The following ZNF460 variants were observed in gnomAD, a reference collection of about 807,000 sequenced individuals.
ZNF460 encodes the protein zinc finger protein 272.
A neutral mutation model predicts 8.4 loss-of-function variants in ZNF460; 1 was observed. The ratio of observed to expected loss-of-function variants is 0.12; its 90% CI spans 0.04 to 0.56. ZNF460 has a LOEUF of 0.56. Ranked by LOEUF, ZNF460 falls within the 20% of genes least tolerant of loss-of-function variation. The pLI is 0.91. For missense variants in ZNF460, 477 were observed against 714.8 expected, an observed-to-expected ratio of 0.67 and a Z score of 3.79; for synonymous variants, 262 against 259.9, an observed-to-expected ratio of 1.01 and a Z score of -0.08.
At chr19:57,285,795 G>A (rs2087875424) in intron 2 of ZNF460, among the ~76,000 whole-genome samples, 1 of 152,102 alleles carries the variant, frequency 6.6e-6, no homozygotes, top group African/African-American at 2.4e-5. Context: ...TGTTCCCTTA[G>A]GATTGAGTTC....
In ZNF460 at chr19:57,293,775, T is replaced by C. The variant is rs1263562754; in HGVS notation, c.*1545T>C. On this transcript the variant is annotated 3_prime_UTR_variant, in exon 3 of 3. Coordinates refer to ENST00000360338, the MANE Select transcript of ZNF460 (RefSeq NM_006635.4). ...ATTTGTTAACCAATCTCTATCTGCCTCTCTGCTGTCCTTCCCAGCCTCTGG... is the reference window on the plus strand; with the variant it reads ...ATTTGTTAACCAATCTCTATCTGCCCCTCTGCTGTCCTTCCCAGCCTCTGG... The C allele has an allele frequency of 1.3e-5, 2 of 152,234 alleles. No homozygotes were observed. The highest frequency in any genetic ancestry group is 2.9e-5 in the Non-Finnish European group (2 of 68,030). The allele number at this position is 152,234 out of a possible 1,614,324, so 9.4% of individuals were successfully genotyped here.
chr19:57,283,502 C>CTTTTTTT lies in ZNF460; in HGVS notation c.31-1031_31-1025dup, dbSNP rs926242067. On this transcript the variant is annotated intron_variant, in intron 1 of 2. Transcript: ENST00000360338. ...TTTTTCTTTAGTTCTTTTGACTATT[C>CTTTTTTT]TTTTTTTTTTTTTTTTTTTTTTTTG... 1.8e-3 allele frequency among the ~76,000 whole-genome samples: 121 copies of CTTTTTTT among 68,534 alleles called. 1 individual carries two copies. The highest frequency in any genetic ancestry group is 2.0e-3 in the African/African-American group (31 of 15,770). 45.0% of individuals were successfully genotyped at this position (68,534 alleles called of 152,430 possible). A position where few individuals can be genotyped will look rare whatever the true frequency, so the allele number is the denominator to read the frequency against.
At chr19:57,282,987 TAAA>T (rs550453875) in intron 1 of ZNF460, among the ~76,000 whole-genome samples, 3 of 134,188 alleles carry the variant, frequency 2.2e-5, no homozygotes, top group Non-Finnish European at 4.9e-5. Context: ...TGAGACCATC[TAAA>T]AAAAAAAAAA....
rs113084185 is a variant in ZNF460 at position 57,291,429 on chromosome 19, C to G, written c.888C>G (p.Val296=). ...CCTTTACCTACCGCTCCAATTTTGT[C>G]TTGCATAACAAGAGCCACAATGAGA... ...GKAFTYRSNF[V]LHNKSHNEKK... is the part of the protein sequence containing the mutation. Residue 296 remains valine (V), a synonymous_variant, in exon 3 of 3, where the codon GTC becomes GTG. Transcript: ENST00000360338. This position sits in a 1 kb window ranked among gnomAD's most constrained non-coding sequence, Gnocchi z 8.4. 6.8e-6 allele frequency: 11 copies of G among 1,613,966 alleles called. No individual in the cohort carries two copies. Among genetic ancestry groups the G allele is most frequent in the African/African-American group, 1.3e-5 (1 of 75,004 alleles).
At chr19:57,283,952 G>C (rs2087860721) in intron 1 of ZNF460, among the ~76,000 whole-genome samples, 1 of 152,062 alleles carries the variant, frequency 6.6e-6, no homozygotes, top group Non-Finnish European at 1.5e-5. Flanking sequence ...CTCCTGAGCT[G>C]GGGAGTTTCA....
Position 57,291,313 on chromosome 19 carries a change from G to A in ZNF460, c.772G>A (p.Gly258Arg). The A allele has an allele frequency of 6.2e-7, 1 of 1,614,016 alleles. No homozygotes were observed. Among genetic ancestry groups the A allele is most frequent in the Middle Eastern group, 1.6e-4 (1 of 6,062 alleles). Residue 258 changes from glycine to arginine, a missense_variant, in exon 3 of 3, where the codon GGA becomes AGA. Physicochemically the swap from Gly to Arg is moderately radical, Grantham distance 125. Around this residue, in one of 5 missense-constraint regions of ZNF460, gnomAD observed 193 missense variants for 391.7 expected, o/e 0.49. Transcript: ENST00000360338. The surrounding 1 kb of genome is among the most constrained non-coding windows in gnomAD (Gnocchi z 8.4). ...TAAGCCCTTTGTGTGCAGTGAATGT[G>A]GAAGGACCTTCAATCGCGGGTCGCA... ...GDKPFVCSEC[G>R]RTFNRGSHLT... is the part of the protein sequence containing the mutation.
intron 1 of ZNF460, among the ~76,000 whole-genome samples, chr19:57,282,131 T>C (rs2087844843): frequency 6.6e-6 from 1 of 152,176 alleles, no homozygotes; most frequent in Non-Finnish European, 1.5e-5. Flanking sequence ...TGGAACTGTG[T>C]AGACTTAAAA....
Position 57,291,432 on chromosome 19 carries a change from G to A in ZNF460, c.891G>A (p.Leu297=). Residue 297 remains leucine (L), a synonymous_variant, in exon 3 of 3, where the codon TTG becomes TTA. Transcript: ENST00000360338. The surrounding 1 kb of genome is among the most constrained non-coding windows in gnomAD (Gnocchi z 8.4). ...TTACCTACCGCTCCAATTTTGTCTT[G>A]CATAACAAGAGCCACAATGAGAAGA... The part of the protein sequence containing the change: ...KAFTYRSNFV[L]HNKSHNEKKP... The A allele has an allele frequency of 6.2e-7, 1 of 1,614,038 alleles. No homozygotes were observed. The highest frequency in any genetic ancestry group is 1.1e-5 in the South Asian group (1 of 91,082).
chr19:57,284,821 T>A, intron 2 of ZNF460, 144 bp downstream of exon 2: 1 of 1,022,528 alleles, frequency 9.8e-7, no homozygotes, highest in East Asian at 3.3e-5. Context: ...CTATTTTTTT[T>A]TTTTTTTTTT....
intron 2 of ZNF460, among the ~76,000 whole-genome samples, chr19:57,286,352 C>T (rs1034718232): frequency 1.3e-5 from 2 of 152,096 alleles, no homozygotes; most frequent in African/African-American, 4.8e-5. Flanking sequence ...CTATGGGGCA[C>T]CATGAACTGC....
Position 57,291,100 on chromosome 19 carries a change from G to A in ZNF460, c.559G>A (p.Glu187Lys). The A allele has an allele frequency of 1.2e-6, 2 of 1,614,214 alleles. No homozygotes were observed. Among genetic ancestry groups the A allele is most frequent in the East Asian group, 2.2e-5 (1 of 44,890 alleles). ...FNENCFLVQH[E>K]QILPRVKPYD... Reference sequence around the variant, plus strand: ...TGAGAATTGCTTCCTTGTTCAGCATGAGCAGATTCTCCCTCGTGTGAAGCC... The same window carrying A: ...TGAGAATTGCTTCCTTGTTCAGCATAAGCAGATTCTCCCTCGTGTGAAGCC... The change falls in exon 3 of 3, where the codon GAG becomes AAG. Residue 187 changes from glutamate to lysine, a missense_variant. By Grantham distance (56) the Glu-to-Lys change is moderately conservative (BLOSUM62 1). Transcript: ENST00000360338. This position sits in a 1 kb window ranked among gnomAD's most constrained non-coding sequence, Gnocchi z 8.4.
chr19:57,283,307 C>G (rs1233798441), intron 1 of ZNF460, among the ~76,000 whole-genome samples: 2 of 150,950 alleles, frequency 1.3e-5, no homozygotes, highest in Non-Finnish European at 3.0e-5. Flanking sequence ...GTAGCTAGGA[C>G]TACAGGCACA....
chr19:57,283,232 C>T (rs897247136), intron 1 of ZNF460, among the ~76,000 whole-genome samples: 3 of 151,122 alleles, frequency 2.0e-5, no homozygotes, highest in Admixed American at 6.6e-5. Flanking sequence ...TTCAGTGGTG[C>T]GATCTCGGCT....
In ZNF460 at chr19:57,293,649, A is replaced by G. The variant is rs2122901497; in HGVS notation, c.*1419A>G. 1.3e-5 allele frequency: 2 copies of G among 152,302 alleles called. 1 individual carries two copies. The highest frequency in any genetic ancestry group is 4.1e-4 in the South Asian group (2 of 4,830). The allele number at this position is 152,302 out of a possible 1,614,324, so 9.4% of individuals were successfully genotyped here. A position where few individuals can be genotyped will look rare whatever the true frequency, so the allele number is the denominator to read the frequency against. Reference sequence around the variant, plus strand: ...ACATTCACAGTCTGCTTTTCTAGCTATTTGAAAATATAAAATGTATTATTG... The same window carrying G: ...ACATTCACAGTCTGCTTTTCTAGCTGTTTGAAAATATAAAATGTATTATTG... On this transcript the variant is annotated 3_prime_UTR_variant, in exon 3 of 3. Transcript: ENST00000360338.
intron 2 of ZNF460, among the ~76,000 whole-genome samples, chr19:57,287,634 T>C (rs2087888850): frequency 6.6e-6 from 1 of 152,176 alleles, no homozygotes; most frequent in African/African-American, 2.4e-5. Context: ...TGTTCAGCTT[T>C]AAAAGAAACT....
chr19:57,287,132 A>G (rs2087885287), intron 2 of ZNF460, among the ~76,000 whole-genome samples: 3 of 152,126 alleles, frequency 2.0e-5, no homozygotes, highest in African/African-American at 4.8e-5. Flanking sequence ...ATCAGCACAG[A>G]TTGGTTGGCT....
At position 57,280,525 on chromosome 19, in the gene ZNF460, G is replaced by A; in HGVS notation, c.-282G>A. Reference sequence around the variant, plus strand: ...CTAGAGCGCTGGGTGGGCGCGTTCTGCGGCCTGAGCAGGGACGGGTAGTGA... The same window carrying A: ...CTAGAGCGCTGGGTGGGCGCGTTCTACGGCCTGAGCAGGGACGGGTAGTGA... On this transcript the variant is annotated 5_prime_UTR_variant, in exon 1 of 3. Transcript: ENST00000360338. 1 of 515,280 alleles carries A rather than the reference G, an allele frequency of 1.9e-6. No individual in the cohort carries two copies. The highest frequency in any genetic ancestry group is 2.3e-5 in the South Asian group (1 of 44,162). 31.9% of individuals were successfully genotyped at this position (515,280 alleles called of 1,614,324 possible).
intron 1 of ZNF460, chr19:57,281,953 A>G (rs950082749): frequency 1.3e-5 from 2 of 152,242 alleles, no homozygotes; most frequent in African/African-American, 4.8e-5. Flanking sequence ...TTCTTAAGTC[A>G]GAAACTAACA....
At chr19:57,286,769 C>T (rs1346501193) in intron 2 of ZNF460, among the ~76,000 whole-genome samples, 1 of 151,796 alleles carries the variant, frequency 6.6e-6, no homozygotes, top group African/African-American at 2.4e-5. Context: ...TGAGACCAGC[C>T]TGGCCAACAT....
Sources: gnomAD v4.1 joint callset for allele counts (sites outside exome capture counted in the v4.1 genomes callset) on GRCh38, gnomAD v4.1.1 for gene constraint, gnomAD v4.1.1 regional missense constraint, Gnocchi (gnomAD v3.1) non-coding constraint, MANE v1.5 for transcripts, NCBI Gene and HGNC (gene_info 2026-07-23, HGNC 2026-07-21) for gene names.